The following CEP112 variants were observed in gnomAD, a reference collection of about 807,000 sequenced individuals.
The protein encoded by CEP112 is centrosomal protein of 112 kDa.
A neutral mutation model predicts 153.0 loss-of-function variants in CEP112; 127 were observed. That is an observed-to-expected ratio of 0.83 (90% CI 0.72 to 0.96). The LOEUF is 0.96. CEP112 is among the 40% of genes least tolerant of loss of function. The pLI is 0.00. For missense variants in CEP112, 1,089 were observed against 1,101.2 expected, an observed-to-expected ratio of 0.99 and a Z score of 0.16; for synonymous variants, 358 against 374.4, an observed-to-expected ratio of 0.96 and a Z score of 0.51.
intron 21 of CEP112, among the ~76,000 whole-genome samples, chr17:65,762,082 T>G (rs2052649541): frequency 6.6e-6 from 1 of 151,998 alleles, no homozygotes; most frequent in Non-Finnish European, 1.5e-5. Flanking sequence ...TCGTTTTTGG[T>G]TTTTTTGCCT....
At chr17:65,692,004 C>T (rs889040827) in intron 23 of CEP112, among the ~76,000 whole-genome samples, 13 of 152,192 alleles carry the variant, frequency 8.5e-5, no homozygotes, top group African/African-American at 2.7e-4. Context: ...GGTCTCCAGC[C>T]ACGCTGTGCC....
intron 16 of CEP112, among the ~76,000 whole-genome samples, chr17:66,008,630 CA>C (rs2064375798): frequency 6.6e-6 from 1 of 152,166 alleles, no homozygotes; most frequent in Non-Finnish European, 1.5e-5. Context: ...AGTCATGAGC[CA>C]TTCTGACCAG....
chr17:65,911,238 AT>A (rs1373992947), intron 19 of CEP112, among the ~76,000 whole-genome samples: 1 of 152,246 alleles, frequency 6.6e-6, no homozygotes, highest in Non-Finnish European at 1.5e-5. Flanking sequence ...CACATAATTG[AT>A]TTAAATAAAA....
intron 2 of CEP112, among the ~76,000 whole-genome samples, chr17:66,181,407 G>A (rs1324318393): frequency 4.6e-5 from 7 of 152,022 alleles, no homozygotes; most frequent in South Asian, 2.1e-4. Flanking sequence ...GTGCAGTGGC[G>A]TGATCTTGGC....
At chr17:65,658,839 C>T (rs9910538) in intron 24 of CEP112, among the ~76,000 whole-genome samples, 82,767 of 151,098 alleles carry the variant, frequency 0.55, 23,429 homozygotes, top group East Asian at 0.77. Context: ...AGAGATGAGA[C>T]GAAAGTTAGG....
At chr17:65,752,262 G>T (rs895518195) in intron 21 of CEP112, among the ~76,000 whole-genome samples, 1 of 151,978 alleles carries the variant, frequency 6.6e-6, no homozygotes, top group Non-Finnish European at 1.5e-5. Flanking sequence ...TCAAAGTGAG[G>T]TCTCCAAAGC....
intron 19 of CEP112, among the ~76,000 whole-genome samples, chr17:65,920,188 T>C (rs536612797): frequency 2.4e-4 from 36 of 149,826 alleles, no homozygotes; most frequent in Non-Finnish European, 5.0e-4. Flanking sequence ...CTACTAAAAA[T>C]ACAAAAATTA....
At chr17:66,169,851 T>C (rs1447557584) in intron 4 of CEP112, among the ~76,000 whole-genome samples, 4 of 152,180 alleles carry the variant, frequency 2.6e-5, no homozygotes, top group African/African-American at 9.7e-5. Context: ...ACAACACACA[T>C]AAATGTTCTC....
At chr17:65,987,650 A>G (rs1243683865) in intron 17 of CEP112, among the ~76,000 whole-genome samples, 2 of 152,026 alleles carry the variant, frequency 1.3e-5, no homozygotes, top group Non-Finnish European at 2.9e-5. Context: ...ACAAACAGAC[A>G]GCACTGAGAT....
chr17:65,971,985 G>A (rs549470617), intron 17 of CEP112, among the ~76,000 whole-genome samples: 1 of 152,252 alleles, frequency 6.6e-6, no homozygotes, highest in Admixed American at 6.5e-5. Context: ...TAATTGATAG[G>A]ACAAGTAGAC....
intron 21 of CEP112, among the ~76,000 whole-genome samples, chr17:65,828,946 G>T (rs987896495): frequency 1.3e-5 from 2 of 151,778 alleles, no homozygotes; most frequent in African/African-American, 2.4e-5. Context: ...TCAAAAGATA[G>T]GGATATTTTT....
At chr17:65,953,546 T>C (rs2061905738) in intron 18 of CEP112, among the ~76,000 whole-genome samples, 1 of 152,200 alleles carries the variant, frequency 6.6e-6, no homozygotes, top group African/African-American at 2.4e-5. Flanking sequence ...GGGAGGCTCG[T>C]GATCTGGGGC....
rs933353790 is a variant in CEP112 at position 66,191,639 on chromosome 17, G to A, written c.-9+358C>T. 9 of 153,266 alleles carry A rather than the reference G, an allele frequency of 5.9e-5. No homozygotes were observed. The highest frequency in any genetic ancestry group is 1.0e-4 in the Non-Finnish European group (7 of 68,552). 9.5% of individuals were successfully genotyped at this position (153,266 alleles called of 1,614,324 possible). On this transcript the variant is annotated intron_variant, in intron 1 of 26. Transcript: ENST00000535342. This position sits in a 1 kb window ranked among gnomAD's most constrained non-coding sequence, Gnocchi z 4.2. ...CCCTTCCTCGGCCCGCCGAGGCCCA[G>A]GCCCAGGCCGCGCTCCTACCTTGTC...
At chr17:65,738,959 C>T (rs2050960455) in intron 23 of CEP112, among the ~76,000 whole-genome samples, 2 of 152,194 alleles carry the variant, frequency 1.3e-5, no homozygotes, top group Admixed American at 6.5e-5. Context: ...TCTGGGCTGG[C>T]CCTATGACCT....
At chr17:65,751,952 T>TA (rs1180102068) in intron 21 of CEP112, among the ~76,000 whole-genome samples, 1 of 145,810 alleles carries the variant, frequency 6.9e-6, no homozygotes, top group South Asian at 2.3e-4. Context: ...AATACAGTCC[T>TA]TCTATCTATC....
intron 5 of CEP112, among the ~76,000 whole-genome samples, chr17:66,132,047 T>C (rs1029907543): frequency 6.6e-6 from 1 of 150,794 alleles, no homozygotes; most frequent in Non-Finnish European, 1.5e-5. Flanking sequence ...TGCATGCCTG[T>C]AGTCTCAGCT....
At chr17:65,970,446 T>C (rs1422178128) in intron 17 of CEP112, among the ~76,000 whole-genome samples, 2 of 97,532 alleles carry the variant, frequency 2.1e-5, no homozygotes, top group East Asian at 2.3e-3. Flanking sequence ...ATCATGCATG[T>C]ATATTACATG....
At chr17:65,639,836 C>CTTTT (rs554226605) in intron 25 of CEP112, among the ~76,000 whole-genome samples, 139 of 110,942 alleles carry the variant, frequency 1.3e-3, no homozygotes, top group Non-Finnish European at 1.7e-3. Flanking sequence ...CTCTTTCTTT[C>CTTTT]TTTTTTTTTT....
At chr17:66,092,837 C>A (rs1476966371) in intron 8 of CEP112, among the ~76,000 whole-genome samples, 1 of 152,008 alleles carries the variant, frequency 6.6e-6, no homozygotes, top group Non-Finnish European at 1.5e-5. Flanking sequence ...ATAATAAAAA[C>A]AACAAATTAG....
Sources: allele counts gnomAD v4.1 joint callset (sites outside exome capture counted in the v4.1 genomes callset), GRCh38; gene constraint gnomAD v4.1.1; non-coding constraint Gnocchi (gnomAD v3.1); transcripts MANE v1.5; gene names NCBI Gene and HGNC (gene_info 2026-07-23, HGNC 2026-07-21).